The following KAZN variants were observed in gnomAD, a reference collection of about 807,000 sequenced individuals.
KAZN encodes kazrin.
Under a neutral mutation model 87.4 loss-of-function variants are expected in KAZN, and 40 were observed. That is an observed-to-expected ratio of 0.46 (90% CI 0.36 to 0.60). The LOEUF is 0.60. KAZN is among the 20% of genes least tolerant of loss of function. KAZN has a pLI of 0.00. For missense variants in KAZN, 898 were observed against 1,073.9 expected (o/e 0.84, Z 2.29); for synonymous variants, 466 against 458.3 (o/e 1.02, Z -0.22).
chr1:14,306,208 G>C (rs1223431385), intron 2 of KAZN, among the ~76,000 whole-genome samples: 1 of 152,194 alleles, frequency 6.6e-6, no homozygotes, highest in Non-Finnish European at 1.5e-5. Flanking sequence ...TTGGGCAAAA[G>C]TGCTTTGTGA....
intron 1 of KAZN, among the ~76,000 whole-genome samples, chr1:14,723,816 T>C (rs1220835079): frequency 6.6e-6 from 1 of 152,050 alleles, no homozygotes; most frequent in Non-Finnish European, 1.5e-5. Context: ...ATTCAGCCAG[T>C]TTTTCAATAG....
At chr1:14,442,963 C>T (rs983586075) in intron 2 of KAZN, among the ~76,000 whole-genome samples, 1 of 152,146 alleles carries the variant, frequency 6.6e-6, no homozygotes, top group East Asian at 1.9e-4. Context: ...TTTCACCAGT[C>T]TTTCTTTTGG....
chr1:14,082,651 T>G (rs1643723878), intron 1 of KAZN, among the ~76,000 whole-genome samples: 1 of 152,132 alleles, frequency 6.6e-6, no homozygotes, highest in Admixed American at 6.5e-5. Context: ...GAAGCAGCAG[T>G]TAATGTGTGT....
At chr1:14,857,529 T>C (rs1277141869) in intron 1 of KAZN, among the ~76,000 whole-genome samples, 2 of 124,486 alleles carry the variant, frequency 1.6e-5, no homozygotes, top group African/African-American at 7.5e-5. Flanking sequence ...TGAGACACAC[T>C]CTCACAAATA....
chr1:14,415,449 G>A (rs965049846), intron 2 of KAZN, among the ~76,000 whole-genome samples: 3 of 152,158 alleles, frequency 2.0e-5, no homozygotes, highest in Non-Finnish European at 1.5e-5. Flanking sequence ...TCCCTATTCT[G>A]TGGACCTTTT....
chr1:14,780,993 G>A (rs1479656774), intron 1 of KAZN, among the ~76,000 whole-genome samples: 2 of 152,158 alleles, frequency 1.3e-5, no homozygotes, highest in Non-Finnish European at 2.9e-5. Context: ...GTGGAGTGGG[G>A]GACACTGAAG....
At chr1:14,956,536 G>A (rs1663132653) in intron 1 of KAZN, among the ~76,000 whole-genome samples, 1 of 151,834 alleles carries the variant, frequency 6.6e-6, no homozygotes, top group South Asian at 2.1e-4. Context: ...AACCCGGGAG[G>A]CAGAGGTTGT....
At position 15,114,474 on chromosome 1, in the gene KAZN, C is replaced by G. The variant is rs751091581; in HGVS notation, c.2167C>G (p.Pro723Ala). The change falls in exon 15 of 15, where the codon CCC becomes GCC. Residue 723 changes from proline to alanine, a missense_variant. By Grantham distance (27) the Pro-to-Ala change is conservative. Coordinates refer to ENST00000376030, the MANE Select transcript of KAZN (RefSeq NM_201628.3). Reference protein sequence around the residue: ...SGLKYKAGRLPLGKIGRGFSS... With the variant: ...SGLKYKAGRLALGKIGRGFSS... Reference sequence around the variant, plus strand: ...GATCATATTCTTCTCTTCTCAGCTGCCCCTGGGGAAGATAGGAAGGGGCTT... The same window carrying G: ...GATCATATTCTTCTCTTCTCAGCTGGCCCTGGGGAAGATAGGAAGGGGCTT... 6.2e-7 allele frequency: 1 copy of G among 1,609,116 alleles called. No individual in the cohort carries two copies. The highest frequency in any genetic ancestry group is 1.1e-5 in the South Asian group (1 of 89,944).
chr1:14,863,859 G>A (rs1008229525), intron 1 of KAZN, among the ~76,000 whole-genome samples: 1 of 152,190 alleles, frequency 6.6e-6, no homozygotes, highest in African/African-American at 2.4e-5. Context: ...GCAGGCCAAG[G>A]CACAGAGATC....
At chr1:14,481,590 T>C (rs1388588758) in intron 2 of KAZN, among the ~76,000 whole-genome samples, 1 of 152,080 alleles carries the variant, frequency 6.6e-6, no homozygotes, top group East Asian at 1.9e-4. Context: ...ACAAGGAAAG[T>C]AATCTTGCCT....
intron 1 of KAZN, among the ~76,000 whole-genome samples, chr1:14,639,645 C>CT (rs1488503334): frequency 6.6e-6 from 1 of 152,090 alleles, no homozygotes; most frequent in Non-Finnish European, 1.5e-5. Flanking sequence ...TGTTTGTAAA[C>CT]TTCAGCAATT....
intron 1 of KAZN, among the ~76,000 whole-genome samples, chr1:14,013,523 C>A (rs1325444576): frequency 6.6e-6 from 1 of 152,238 alleles, no homozygotes; most frequent in Non-Finnish European, 1.5e-5. Flanking sequence ...TGTGTACCCA[C>A]CACTGTCAGA....
chr1:15,103,859 G>T (rs1270760069), intron 12 of KAZN, among the ~76,000 whole-genome samples, 164 bp from the exon 13 acceptor site: 1 of 151,916 alleles, frequency 6.6e-6, no homozygotes, highest in Non-Finnish European at 1.5e-5. Flanking sequence ...CTGACCTCGT[G>T]GCTCTAAAAA....
intron 1 of KAZN, among the ~76,000 whole-genome samples, chr1:14,632,190 C>T (rs1012830722): frequency 9.9e-5 from 15 of 152,248 alleles, no homozygotes; most frequent in African/African-American, 2.4e-4. Context: ...GGGGTGGGGA[C>T]GGGCTTGGAG....
intron 2 of KAZN, among the ~76,000 whole-genome samples, chr1:14,352,227 T>G (rs1658603943): frequency 6.6e-6 from 1 of 152,162 alleles, no homozygotes; most frequent in Non-Finnish European, 1.5e-5. Flanking sequence ...TTATGTACAA[T>G]TAGACACAGA....
chr1:14,476,019 C>G (rs1184613634), intron 2 of KAZN, among the ~76,000 whole-genome samples: 1 of 152,178 alleles, frequency 6.6e-6, no homozygotes, highest in Admixed American at 6.5e-5. Context: ...CACAGACTCT[C>G]TCGCCTTTGG....
intron 1 of KAZN, among the ~76,000 whole-genome samples, chr1:14,687,659 G>GCAA (rs1370493471): frequency 4.6e-5 from 7 of 152,216 alleles, no homozygotes; most frequent in African/African-American, 1.7e-4. Context: ...CAAGGAACTG[G>GCAA]GATGTGACTC....
intron 1 of KAZN, among the ~76,000 whole-genome samples, chr1:14,038,396 G>T (rs993752756): frequency 3.3e-5 from 5 of 152,156 alleles, no homozygotes; most frequent in Admixed American, 3.3e-4. Context: ...GACAAAGGGA[G>T]CCCCCAGGTC....
intron 2 of KAZN, among the ~76,000 whole-genome samples, chr1:14,229,968 C>A (rs1249900018): frequency 1.3e-5 from 2 of 152,236 alleles, no homozygotes; most frequent in African/African-American, 4.8e-5. Flanking sequence ...ATTCTTCCTC[C>A]AGACCCACGT....
Sources: gnomAD v4.1 joint callset for allele counts (sites outside exome capture counted in the v4.1 genomes callset) on GRCh38, gnomAD v4.1.1 for gene constraint, MANE v1.5 for transcripts, NCBI Gene and HGNC (gene_info 2026-07-23, HGNC 2026-07-21) for gene names.